The following RAG2 variants were observed in gnomAD, a reference collection of about 807,000 sequenced individuals.
The protein encoded by RAG2 is V(D)J recombination-activating protein 2.
In RAG2, 16 loss-of-function variants were observed where a neutral mutation model predicts 31.8. That is an observed-to-expected ratio of 0.50 (90% CI 0.34 to 0.76). The LOEUF (loss-of-function observed/expected upper bound fraction) is 0.76. RAG2 is among the 30% of genes least tolerant of loss of function. The pLI, the probability that RAG2 is intolerant of heterozygous loss-of-function variation, is 0.01. For missense variants in RAG2, 622 were observed against 628.5 expected, an observed-to-expected ratio of 0.99 and a Z score of 0.11; for synonymous variants, 199 against 215.9, an observed-to-expected ratio of 0.92 and a Z score of 0.68.
Position 36,593,355 on chromosome 11 carries a change from C to G in RAG2, c.814G>C (p.Val272Leu), listed in dbSNP as rs117899975. The change falls in exon 2 of 2, where the codon GTT (valine) becomes CTT (leucine). Residue 272 changes from valine (V) to leucine (L), a missense_variant. Physicochemically the swap from Val to Leu is conservative, Grantham distance 32. Coordinates refer to ENST00000311485, the MANE Select transcript of RAG2 (RefSeq NM_000536.4). ...TCAAGCTGATAGCCACCAACAATAA[C>G]AAATTCATCATTGTTAGTTTGAGTC... is the stretch of plus-strand genomic sequence containing the variant. ...ILTQTNNDEF[V>L]IVGGYQLENQ... 14 of 1,613,954 alleles carry G rather than the reference C, an allele frequency of 8.7e-6. No homozygotes were observed. Among genetic ancestry groups the G allele is most frequent in the Non-Finnish European group, 1.2e-5 (14 of 1,180,020 alleles).
rs764684990 is a variant in RAG2 at position 36,593,807 on chromosome 11, G to A, written c.362C>T (p.Thr121Ile). 6.2e-7 allele frequency: 1 copy of A among 1,614,158 alleles called. No individual in the cohort carries two copies. The highest frequency in any genetic ancestry group is 2.2e-5 in the East Asian group (1 of 44,888). Reference sequence around the variant, plus strand: ...CAAGTCTTTCTCTGTGCAGCGAAAAGTAACCTTTTTGTTGTTCTTGCAAAC... The same window carrying A: ...CAAGTCTTTCTCTGTGCAGCGAAAAATAACCTTTTTGTTGTTCTTGCAAAC... Reference protein sequence around the residue: ...SIVCKNNKKVTFRCTEKDLVG... With the variant: ...SIVCKNNKKVIFRCTEKDLVG... The change falls in exon 2 of 2, where the codon ACT (threonine) becomes ATT (isoleucine). Residue 121 changes from threonine to isoleucine, a missense_variant. By Grantham distance (89) the Thr-to-Ile change is moderately conservative. Coordinates refer to ENST00000311485, the MANE Select transcript of RAG2 (RefSeq NM_000536.4).
intron 1 of RAG2, among the ~76,000 whole-genome samples, chr11:36,597,031 C>T (rs1851296043): frequency 6.6e-6 from 1 of 152,148 alleles, no homozygotes; most frequent in Non-Finnish European, 1.5e-5. Flanking sequence ...GCCCTAAAAA[C>T]AGTGGTAAAG....
Position 36,593,183 on chromosome 11 carries a change from AG to A in RAG2, c.985del (p.Gly330AlafsTer19). The A allele has an allele frequency of 6.2e-7, 1 of 1,614,240 alleles. No homozygotes were observed. Among genetic ancestry groups the A allele is most frequent in the Non-Finnish European group, 8.5e-7 (1 of 1,180,042 alleles). ...GSNMGNGTVF[L>X]GIPGDNKQVV... ...TTGTTTATTGTCTCCTGGTATGCCAAGAAAAACAGTTCCATTTCCCATGTTG... is the reference window on the plus strand; with the variant it reads ...TTGTTTATTGTCTCCTGGTATGCCAAAAAAACAGTTCCATTTCCCATGTTG... On this transcript the variant is annotated frameshift_variant, in exon 2 of 2. Coordinates refer to ENST00000311485, the MANE Select transcript of RAG2 (RefSeq NM_000536.4). LOFTEE classifies it high-confidence loss of function.
At position 36,592,720 on chromosome 11, in the gene RAG2, C is replaced by T. The variant is rs1441597690; in HGVS notation, c.1449G>A (p.Glu483=). ...GGGGAGTGTGTAGAGCTCTTGCTAT[C>T]TCCACATGCTCATTGCAGTAATACT... ...SNKYYCNEHV[E]IARALHTPQR... is the part of the protein sequence containing the mutation. The change falls in exon 2 of 2, where the codon GAG becomes GAA. Residue 483 remains glutamate, a synonymous_variant. Transcript: ENST00000311485. 1.2e-6 allele frequency: 2 copies of T among 1,606,100 alleles called. No homozygotes were observed. Among genetic ancestry groups the T allele is most frequent in the Non-Finnish European group, 8.5e-7 (1 of 1,176,426 alleles).
At chr11:36,595,597 T>G (rs142899515) in intron 1 of RAG2, among the ~76,000 whole-genome samples, 1,859 of 152,350 alleles carry the variant, frequency 0.012, 23 homozygotes, top group East Asian at 0.032. Context: ...TGCCACTAAC[T>G]ACATGACTTT....
In RAG2 at chr11:36,592,539, A is replaced by T. The variant is rs374011646; in HGVS notation, c.*46T>A. Reference sequence around the variant, plus strand: ...AAATCAATGTTATGATTTTAAAAATAGATTCAAAAATTCCATACACCTGAA... The same window carrying T: ...AAATCAATGTTATGATTTTAAAAATTGATTCAAAAATTCCATACACCTGAA... On this transcript the variant is annotated 3_prime_UTR_variant, in exon 2 of 2. Transcript: ENST00000311485. 6.8e-5 allele frequency: 109 copies of T among 1,597,500 alleles called. No homozygotes were observed. Among genetic ancestry groups the T allele is most frequent in the Non-Finnish European group, 8.9e-5 (104 of 1,170,856 alleles).
At chr11:36,595,338 C>T (rs1851172491) in intron 1 of RAG2, 1 of 152,066 alleles carries the variant, frequency 6.6e-6, no homozygotes, top group Non-Finnish European at 1.5e-5. Context: ...TGTGTTACAA[C>T]AAAAAGAATA....
intron 1 of RAG2, among the ~76,000 whole-genome samples, chr11:36,596,222 G>GTT (rs67282079): frequency 0.018 from 2,185 of 118,296 alleles, 70 homozygotes; most frequent in Admixed American, 0.081. Flanking sequence ...TTTTTTTTTT[G>GTT]TTTTTTTTTT....
intron 1 of RAG2, chr11:36,594,449 G>A: frequency 4.3e-6 from 2 of 464,052 alleles, no homozygotes; most frequent in Non-Finnish European, 7.7e-6. Context: ...GTCCTTTTCC[G>A]TAAAGAGTCA....
In RAG2 at chr11:36,594,174, C is replaced by A; in HGVS notation, c.-6G>T. The A allele has an allele frequency of 6.3e-7, 1 of 1,588,192 alleles. No individual in the cohort carries two copies. Among genetic ancestry groups the A allele is most frequent in the South Asian group, 1.1e-5 (1 of 90,538 alleles). ...GTTACCATCTGCAGAGACATAGTTT[C>A]TGATGGTACGTAGATTTTTGTCTGA... On this transcript the variant is annotated 5_prime_UTR_variant, in exon 2 of 2. Transcript: ENST00000311485.
chr11:36,596,974 T>A (rs1186519385), intron 1 of RAG2, among the ~76,000 whole-genome samples: 4 of 152,206 alleles, frequency 2.6e-5, no homozygotes, highest in Non-Finnish European at 5.9e-5. Context: ...GCTTTTGACC[T>A]GTTTTCCCTT....
At chr11:36,596,168 T>G (rs1386779093) in intron 1 of RAG2, among the ~76,000 whole-genome samples, 1 of 151,790 alleles carries the variant, frequency 6.6e-6, no homozygotes, top group Non-Finnish European at 1.5e-5. Flanking sequence ...CAAAGATTCC[T>G]TGGACTATTT....
At chr11:36,596,733 A>G (rs1170163951) in intron 1 of RAG2, among the ~76,000 whole-genome samples, 1 of 152,226 alleles carries the variant, frequency 6.6e-6, no homozygotes, top group East Asian at 1.9e-4. Context: ...CAAGCCATAC[A>G]GTGGTAATGG....
Position 36,593,339 on chromosome 11 carries a change from T to TA in RAG2, c.829dup (p.Tyr277LeufsTer4), listed in dbSNP as rs1851074524. ...CATTCTTTTTTGATTTTCAAGCTGATAGCCACCAACAATAACAAATTCATC... is the reference window on the plus strand; with the variant it reads ...CATTCTTTTTTGATTTTCAAGCTGATAAGCCACCAACAATAACAAATTCATC... On this transcript the variant is annotated frameshift_variant, in exon 2 of 2. Coordinates refer to ENST00000311485, the MANE Select transcript of RAG2 (RefSeq NM_000536.4). LOFTEE classifies it high-confidence loss of function. 5 of 1,614,100 alleles carry TA rather than the reference T, an allele frequency of 3.1e-6. No homozygotes were observed. Among genetic ancestry groups the TA allele is most frequent in the Admixed American group, 3.3e-5 (2 of 60,026 alleles).
At chr11:36,595,373 A>G (rs1181055264) in intron 1 of RAG2, 1 of 152,242 alleles carries the variant, frequency 6.6e-6, no homozygotes, top group Non-Finnish European at 1.5e-5. Flanking sequence ...GAAGCTTGAT[A>G]AATTTCTATT....
At chr11:36,597,385 G>A (rs867352974) in intron 1 of RAG2, among the ~76,000 whole-genome samples, 6 of 152,292 alleles carry the variant, frequency 3.9e-5, no homozygotes, top group Non-Finnish European at 5.9e-5. Context: ...AAAACAGGCA[G>A]ATTTAAAAGA....
In RAG2 at chr11:36,592,793, A is replaced by G. The variant is rs1268245706; in HGVS notation, c.1376T>C (p.Met459Thr). ...GATGAGTGTGCGTTCTGCCAGATCC[A>G]TGCACTGAGCATGGACCCAGTGCCC... The part of the protein sequence containing the change: ...GDGHWVHAQC[M>T]DLAERTLIHL... The change falls in exon 2 of 2, where the codon ATG (methionine) becomes ACG (threonine). Residue 459 changes from methionine to threonine, a missense_variant. Met to Thr is a moderately conservative substitution (Grantham distance 81). Coordinates refer to ENST00000311485, the MANE Select transcript of RAG2 (RefSeq NM_000536.4). The G allele has an allele frequency of 1.2e-6, 2 of 1,614,010 alleles. No homozygotes were observed. The highest frequency in any genetic ancestry group is 1.7e-6 in the Non-Finnish European group (2 of 1,180,038).
downstream of RAG2, chr11:36,591,925 C>G (rs965528306): frequency 6.6e-6 from 1 of 152,188 alleles, no homozygotes; most frequent in African/African-American, 2.4e-5. Flanking sequence ...ACAAGTAATT[C>G]AGGAAAACAT....
rs775412618 is a variant in RAG2 at position 36,593,617 on chromosome 11, C to T, written c.552G>A (p.Leu184=). Residue 184 remains leucine (L), a synonymous_variant, in exon 2 of 2, where the codon CTG becomes CTA. Transcript: ENST00000311485. ...TAGCACACCCAAATTCAAAATCCACCAGGAAAACACAGGGCAGGCAGTCAG... is the reference window on the plus strand; with the variant it reads ...TAGCACACCCAAATTCAAAATCCACTAGGAAAACACAGGGCAGGCAGTCAG... ...SVADCLPCVF[L]VDFEFGCATS... 4 of 1,614,150 alleles carry T rather than the reference C, an allele frequency of 2.5e-6. No homozygotes were observed. The highest frequency in any genetic ancestry group is 2.2e-5 in the East Asian group (1 of 44,884).
Sources: gnomAD v4.1 joint callset for allele counts (sites outside exome capture counted in the v4.1 genomes callset) on GRCh38, gnomAD v4.1.1 for gene constraint, MANE v1.5 for transcripts, NCBI Gene and HGNC (gene_info 2026-07-23, HGNC 2026-07-21) for gene names.